ITGA2B: variants seen among roughly 807,000 people sequenced by gnomAD.
ITGA2B encodes the protein integrin alpha-IIb.
Under a neutral mutation model 142.0 loss-of-function variants are expected in ITGA2B, and 91 were observed. That is an observed-to-expected ratio of 0.64 (90% CI 0.54 to 0.76). The LOEUF (loss-of-function observed/expected upper bound fraction) is 0.76, where lower values mean the gene tolerates loss of function less well. Among genes scored for constraint, ITGA2B ranks in the 30% least tolerant of loss-of-function variants. The probability of loss-of-function intolerance (pLI) is 0.00; values close to 1 mark genes in which losing one functional copy is unlikely to be tolerated. For missense variants in ITGA2B, 1,231 were observed against 1,350.8 expected, an observed-to-expected ratio of 0.91 and a Z score of 1.39; for synonymous variants, 536 against 567.2, an observed-to-expected ratio of 0.94 and a Z score of 0.78.
At chr17:44,383,980 T>G in intron 10 of ITGA2B, 34 bp from the exon 11 acceptor site, 1 of 1,614,012 alleles carries the variant, frequency 6.2e-7, no homozygotes. Context: ...TTCACGCCGC[T>G]GGACAAGCAT....
In ITGA2B at chr17:44,378,393, G is replaced by A. The variant is rs1245816431; in HGVS notation, c.2063C>T (p.Ala688Val). The A allele has an allele frequency of 1.9e-6, 3 of 1,613,192 alleles. No individual in the cohort carries two copies. Among genetic ancestry groups the A allele is most frequent in the Admixed American group, 3.3e-5 (2 of 60,020 alleles). Residue 688 changes from alanine (A) to valine (V), a missense_variant, in exon 20 of 30, where the codon GCC becomes GTC. By Grantham distance (64) the Ala-to-Val change is moderately conservative. Transcript: ENST00000262407. Reference sequence around the variant, plus strand: ...ATTGCTTAGGGCCCGCATGTAGTGGGCGCCCTGGGGCAGGTGCACGGCCAG... The same window carrying A: ...ATTGCTTAGGGCCCGCATGTAGTGGACGCCCTGGGGCAGGTGCACGGCCAG... ...AELAVHLPQG[A>V]HYMRALSNVE...
Position 44,384,987 on chromosome 17 carries a change from A to G in ITGA2B, c.760T>C (p.Phe254Leu), listed in dbSNP as rs1217202617. The G allele has an allele frequency of 6.2e-7, 1 of 1,614,104 alleles. No individual in the cohort carries two copies. The highest frequency in any genetic ancestry group is 8.5e-7 in the Non-Finnish European group (1 of 1,180,010). ...AAGTACTCTGGGTTGCTGGAGTCAA[A>G]GGAGAGGCTCTGGGAGGACACGTGC... is the stretch of plus-strand genomic sequence containing the variant. ...LWHVSSQSLSFDSSNPEYFDG... is the reference protein window; with the variant it reads ...LWHVSSQSLSLDSSNPEYFDG... The change falls in exon 7 of 30, where the codon TTT becomes CTT. Residue 254 changes from phenylalanine to leucine, a missense_variant. Transcript: ENST00000262407.
chr17:44,375,233 A>G (rs888047077), intron 26 of ITGA2B, 122 bp from the exon 27 acceptor site: 9 of 799,186 alleles, frequency 1.1e-5, no homozygotes, highest in Admixed American at 1.0e-4. Context: ...TGGCCTTCCC[A>G]TCAGGAAGGG....
intron 20 of ITGA2B, 103 bp from the exon 21 acceptor site, chr17:44,377,893 G>A: frequency 1.3e-6 from 1 of 748,956 alleles, no homozygotes; most frequent in South Asian, 1.5e-5. Flanking sequence ...GGTAGGGAGG[G>A]GGGGGTTTCT....
At chr17:44,379,032 G>GC (rs1167943767) in intron 18 of ITGA2B, among the ~76,000 whole-genome samples, 1 of 151,898 alleles carries the variant, frequency 6.6e-6, no homozygotes, top group Admixed American at 6.6e-5. Flanking sequence ...TGCAAGCTCC[G>GC]CCCCCCGGGG....
rs778789586 is a variant in ITGA2B, at chr17:44,389,341, G to A, written c.133C>T (p.Pro45Ser). Residue 45 changes from proline (P) to serine (S), a missense_variant, in exon 1 of 30, where the codon CCC (proline) becomes TCC (serine). By Grantham distance (74) the Pro-to-Ser change is moderately conservative (BLOSUM62 -1). Coordinates refer to ENST00000262407, the MANE Select transcript of ITGA2B (RefSeq NM_000419.5). The part of the protein sequence containing the change: ...DPVQLTFYAG[P>S]NGSQFGFSLD... ...GAAAATCCAAACTGGCTGCCATTGG[G>A]GCCTGCATAGAAGGTGAGCTGCACT... The A allele has an allele frequency of 1.9e-6, 3 of 1,613,998 alleles. No homozygotes were observed. The highest frequency in any genetic ancestry group is 2.7e-5 in the African/African-American group (2 of 74,882).
At chr17:44,383,837 G>A in intron 11 of ITGA2B, 57 bp downstream of exon 11, 2 of 1,600,608 alleles carry the variant, frequency 1.2e-6, no homozygotes, top group Non-Finnish European at 1.7e-6. Context: ...GGAGACAGAG[G>A]GCAGCTCTGG....
intron 25 of ITGA2B, 47 bp from the exon 26 acceptor site, chr17:44,375,763 A>C (rs41480046): frequency 1.3e-6 from 2 of 1,557,288 alleles, no homozygotes; most frequent in East Asian, 4.8e-5. Context: ...CCCGAACCCC[A>C]GCCCACAGAG....
chr17:44,377,772 AG>A lies in ITGA2B; in HGVS notation c.2112del (p.Cys705ValfsTer20), dbSNP rs777944699. The A allele has an allele frequency of 6.2e-7, 1 of 1,613,478 alleles. No homozygotes were observed. The highest frequency in any genetic ancestry group is 8.5e-7 in the Non-Finnish European group (1 of 1,179,596). On this transcript the variant is annotated frameshift_variant, in exon 21 of 30. Coordinates refer to ENST00000262407, the MANE Select transcript of ITGA2B (RefSeq NM_000419.5). LOFTEE classifies it high-confidence loss of function. ...LSNVEGFERL[I>X]CNQKKENETR... ...GTCTCATTCTCCTTCTTCTGATTAC[AG>A]ATGAGTCTCTCAAAGCCCTTCAGGA...
chr17:44,374,416 C>T lies in ITGA2B; in HGVS notation c.2998G>A (p.Val1000Met). ...AGGCCACCCAGCACACCCACCAGCA[C>T]CCACCAGATTGGAATGGCCCTCTCC... ...LEERAIPIWW[V>M]LVGVLGGLLL... The change falls in exon 29 of 30, where the codon GTG becomes ATG. Residue 1000 changes from valine to methionine, a missense_variant. By Grantham distance (21) the Val-to-Met change is conservative. Transcript: ENST00000262407. 6.2e-7 allele frequency: 1 copy of T among 1,614,136 alleles called. No homozygotes were observed.
chr17:44,384,166 C>T, intron 9 of ITGA2B, 28 bp from the exon 10 acceptor site: 1 of 1,611,404 alleles, frequency 6.2e-7, no homozygotes, highest in African/African-American at 1.3e-5. Context: ...GCGAGAGCAT[C>T]ATTCTTGTAC....
intron 1 of ITGA2B, among the ~76,000 whole-genome samples, chr17:44,387,047 C>T (rs2048655478): frequency 6.6e-6 from 1 of 151,118 alleles, no homozygotes; most frequent in Non-Finnish European, 1.5e-5. Context: ...AGGCGTGAGC[C>T]TCTGTGTCTG....
chr17:44,378,677 C>T lies in ITGA2B; in HGVS notation c.1912G>A (p.Val638Ile), dbSNP rs111657038. 27 of 1,560,560 alleles carry T rather than the reference C, an allele frequency of 1.7e-5. 1 individual carries two copies. The highest frequency in any genetic ancestry group is 1.4e-4 in the African/African-American group (10 of 73,752). Residue 638 changes from valine (V) to isoleucine (I), a missense_variant, in exon 19 of 30, where the codon GTA (valine) becomes ATA (isoleucine). Physicochemically the swap from Val to Ile is conservative, Grantham distance 29 (BLOSUM62 3). Coordinates refer to ENST00000262407, the MANE Select transcript of ITGA2B (RefSeq NM_000419.5). ...RIVLDCGEDDVCVPQLQLTAS... is the reference protein window; with the variant it reads ...RIVLDCGEDDICVPQLQLTAS... ...GTGAGCTGAAGCTGGGGCACACATACGTCATCTTCCCCACAGTCCAGGACG... is the reference window on the plus strand; with the variant it reads ...GTGAGCTGAAGCTGGGGCACACATATGTCATCTTCCCCACAGTCCAGGACG...
chr17:44,376,108 G>T lies in ITGA2B; in HGVS notation c.2425C>A (p.Pro809Thr). 1 of 1,614,128 alleles carries T rather than the reference G, an allele frequency of 6.2e-7. No individual in the cohort carries two copies. Among genetic ancestry groups the T allele is most frequent in the South Asian group, 1.1e-5 (1 of 91,080 alleles). ...REQNSLDSWG[P>T]KVEHTYELHN... ...ACCTCATAGGTGTGCTCCACTTTGG[G>T]TCCCCAGCTGTCCAAGCTGTTCTGC... Residue 809 changes from proline (P) to threonine (T), a missense_variant, in exon 24 of 30, where the codon CCC becomes ACC. Pro to Thr is a conservative substitution (Grantham distance 38). Coordinates refer to ENST00000262407, the MANE Select transcript of ITGA2B (RefSeq NM_000419.5).
At chr17:44,375,782 G>A (rs1486821207) in intron 25 of ITGA2B, 51 bp downstream of exon 25, 9 of 1,557,456 alleles carry the variant, frequency 5.8e-6, no homozygotes, top group South Asian at 3.5e-5. Context: ...AGGTGCCCCG[G>A]TGGTTGGTCT....
chr17:44,373,058 A>G (rs763319602), intron 29 of ITGA2B, among the ~76,000 whole-genome samples: 56 of 152,116 alleles, frequency 3.7e-4, no homozygotes, highest in Non-Finnish European at 7.3e-5. Context: ...TTTTTTTAAA[A>G]AACTTTTTTG....
At chr17:44,376,039 C>T in intron 24 of ITGA2B, 46 bp downstream of exon 24, 2 of 1,614,056 alleles carry the variant, frequency 1.2e-6, no homozygotes, top group East Asian at 2.2e-5. Flanking sequence ...ACCCGGAGTT[C>T]TGAGGACCCG....
chr17:44,380,735 C>G (rs748070236), intron 13 of ITGA2B, 90 bp from the exon 14 acceptor site: 30 of 1,588,524 alleles, frequency 1.9e-5, no homozygotes, highest in Non-Finnish European at 2.2e-5. Flanking sequence ...CCACCTCCCC[C>G]ACTGGAGGTT....
In ITGA2B at chr17:44,389,603, A is replaced by G. The variant is rs923904220; in HGVS notation, c.-130T>C. 3 of 1,034,618 alleles carry G rather than the reference A, an allele frequency of 2.9e-6. No individual in the cohort carries two copies. In the Admixed American group the frequency reaches 6.1e-5, roughly 21 times the overall value. 64.1% of individuals were successfully genotyped at this position (1,034,618 alleles called of 1,614,324 possible). ...AACTTGCTGAGCAACGGGCAGAGCA[A>G]AGGGCTATAGCCCCTGGACTCATGG... On this transcript the variant is annotated 5_prime_UTR_variant, in exon 1 of 30. Transcript: ENST00000262407.
Sources: gnomAD v4.1 joint callset for allele counts (sites outside exome capture counted in the v4.1 genomes callset) on GRCh38, gnomAD v4.1.1 for gene constraint, MANE v1.5 for transcripts, NCBI Gene and HGNC (gene_info 2026-07-23, HGNC 2026-07-21) for gene names.